AUH: variants seen among roughly 807,000 people sequenced by gnomAD.
AUH encodes methylglutaconyl-CoA hydratase, mitochondrial.
AUH carries 29 observed loss-of-function variants against 42.3 expected under a neutral mutation model. The ratio of observed to expected loss-of-function variants is 0.69; its 90% CI spans 0.51 to 0.93. AUH has a LOEUF of 0.93. Among genes scored for constraint, AUH ranks in the 40% least tolerant of loss-of-function variants. The probability of loss-of-function intolerance (pLI) is 0.00; values close to 1 mark genes in which losing one functional copy is unlikely to be tolerated. For synonymous variants in AUH, 174 were observed against 166.4 expected, an observed-to-expected ratio of 1.05 and a Z score of -0.35; for missense variants, 452 against 438.1, an observed-to-expected ratio of 1.03 and a Z score of -0.28.
chr9:91,305,775 G>A (rs915047742), intron 4 of AUH, among the ~76,000 whole-genome samples: 1 of 152,160 alleles, frequency 6.6e-6, no homozygotes, highest in Non-Finnish European at 1.5e-5. Context: ...ACACACTGAG[G>A]CACAAAGGAG....
At chr9:91,336,538 G>A (rs1221351638) in intron 3 of AUH, among the ~76,000 whole-genome samples, 3 of 151,870 alleles carry the variant, frequency 2.0e-5, no homozygotes, top group Non-Finnish European at 4.4e-5. Context: ...GCTGAGGCAC[G>A]AGAATCACTT....
chr9:91,241,424 T>C (rs1828510776), intron 6 of AUH, among the ~76,000 whole-genome samples: 1 of 152,138 alleles, frequency 6.6e-6, no homozygotes, highest in South Asian at 2.1e-4. Context: ...ATGTGATTGA[T>C]TTAAAGTCAT....
intron 6 of AUH, among the ~76,000 whole-genome samples, chr9:91,222,222 A>G (rs1354051646): frequency 6.6e-6 from 1 of 152,110 alleles, no homozygotes; most frequent in Non-Finnish European, 1.5e-5. Flanking sequence ...TTTTGTTCAC[A>G]CCTCTATGAA....
intron 6 of AUH, among the ~76,000 whole-genome samples, chr9:91,257,455 A>G (rs957326406): frequency 1.3e-5 from 2 of 152,174 alleles, no homozygotes; most frequent in African/African-American, 4.8e-5. Flanking sequence ...CTCTTGATCC[A>G]GCCTCCTCCC....
intron 6 of AUH, among the ~76,000 whole-genome samples, chr9:91,289,874 G>C (rs567635145): frequency 4.6e-5 from 7 of 152,178 alleles, no homozygotes; most frequent in African/African-American, 7.2e-5. Flanking sequence ...TAAAATCTCT[G>C]CTGTTTCAAA....
At chr9:91,232,785 C>T (rs1396456134) in intron 6 of AUH, among the ~76,000 whole-genome samples, 1 of 152,182 alleles carries the variant, frequency 6.6e-6, no homozygotes. Context: ...ATGAGGTGAA[C>T]CTAAGGTTCT....
chr9:91,252,848 T>C (rs1348400091), intron 6 of AUH, among the ~76,000 whole-genome samples: 2 of 152,240 alleles, frequency 1.3e-5, no homozygotes, highest in Admixed American at 6.5e-5. Context: ...TTTTTACATT[T>C]TTACTACTGG....
rs139900317 is a variant in AUH at position 91,311,752 on chromosome 9, C to T, written c.505+13566G>A. 1.7e-3 allele frequency among the ~76,000 whole-genome samples: 264 copies of T among 152,294 alleles called. 5 individuals carry two copies. In the East Asian group the frequency reaches 0.043, roughly 25 times the overall value. On this transcript the variant is annotated intron_variant, in intron 4 of 9. Coordinates refer to ENST00000375731, the MANE Select transcript of AUH (RefSeq NM_001698.3). ...AATAGTGATGTCAACACTGCCACCA[C>T]GAACTACTGGAAGGAAGGTGCACAC... is the stretch of plus-strand genomic sequence containing the variant.
At chr9:91,347,478 G>A (rs1297031866) in intron 3 of AUH, among the ~76,000 whole-genome samples, 1 of 152,168 alleles carries the variant, frequency 6.6e-6, no homozygotes, top group Non-Finnish European at 1.5e-5. Context: ...CCCTCTGGGG[G>A]GAGAGGGTGC....
chr9:91,299,403 T>A (rs1341069171), intron 4 of AUH, among the ~76,000 whole-genome samples: 1 of 152,154 alleles, frequency 6.6e-6, no homozygotes. Flanking sequence ...AGATCAAGTC[T>A]GAAAAGGCCA....
intron 1 of AUH, among the ~76,000 whole-genome samples, chr9:91,359,575 G>GA (rs1320775643): frequency 2.7e-5 from 4 of 148,154 alleles, no homozygotes; most frequent in African/African-American, 2.5e-5. Context: ...CATCTCAAAA[G>GA]AAAAAAAAAG....
At chr9:91,246,221 C>T (rs537928680) in intron 6 of AUH, among the ~76,000 whole-genome samples, 5 of 152,228 alleles carry the variant, frequency 3.3e-5, no homozygotes, top group African/African-American at 9.6e-5. Context: ...AAAGCTCACT[C>T]GCTGTGTAAA....
chr9:91,284,277 T>C (rs1244072297), intron 6 of AUH, among the ~76,000 whole-genome samples: 1 of 152,204 alleles, frequency 6.6e-6, no homozygotes, highest in Non-Finnish European at 1.5e-5. Flanking sequence ...AGGCTGAAAC[T>C]GGATCCCTTC....
At chr9:91,351,480 G>A (rs1234241608) in intron 3 of AUH, among the ~76,000 whole-genome samples, 3 of 152,174 alleles carry the variant, frequency 2.0e-5, no homozygotes, top group African/African-American at 7.2e-5. Flanking sequence ...GTCACTTAAA[G>A]AGAACATCCT....
At chr9:91,296,990 A>C (rs1827389500) in intron 5 of AUH, among the ~76,000 whole-genome samples, 1 of 152,248 alleles carries the variant, frequency 6.6e-6, no homozygotes. Flanking sequence ...GATAATGGAA[A>C]GCAAGAGAAG....
intron 4 of AUH, among the ~76,000 whole-genome samples, chr9:91,313,072 G>A (rs1202073595): frequency 1.3e-5 from 2 of 152,152 alleles, no homozygotes; most frequent in Non-Finnish European, 2.9e-5. Context: ...GGCTTTGCGG[G>A]GGGGGTTGTT....
intron 6 of AUH, among the ~76,000 whole-genome samples, chr9:91,281,037 T>C (rs1825921325): frequency 6.6e-6 from 1 of 152,164 alleles, no homozygotes; most frequent in African/African-American, 2.4e-5. Context: ...ACTCAGCTTC[T>C]TAAATCCTTA....
At chr9:91,314,767 G>A (rs1254607718) in intron 4 of AUH, among the ~76,000 whole-genome samples, 2 of 152,130 alleles carry the variant, frequency 1.3e-5, no homozygotes, top group African/African-American at 4.8e-5. Context: ...CTTGAAAGAT[G>A]CCACTGCTGA....
At chr9:91,309,039 G>C (rs1014309498) in intron 4 of AUH, among the ~76,000 whole-genome samples, 1 of 151,718 alleles carries the variant, frequency 6.6e-6, no homozygotes, top group African/African-American at 2.4e-5. Context: ...TGATCCACCA[G>C]CCTCGACCTC....
Sources: allele counts gnomAD v4.1 joint callset (sites outside exome capture counted in the v4.1 genomes callset), GRCh38; gene constraint gnomAD v4.1.1; transcripts MANE v1.5; gene names NCBI Gene and HGNC (gene_info 2026-07-23, HGNC 2026-07-21).